The following ITFG1 variants were observed in gnomAD, a reference collection of about 807,000 sequenced individuals.
ITFG1 encodes integrin alpha FG-GAP repeat containing 1.
A neutral mutation model predicts 81.8 loss-of-function variants in ITFG1; 34 were observed. That is an observed-to-expected ratio of 0.42 (90% CI 0.32 to 0.55). The LOEUF (loss-of-function observed/expected upper bound fraction) is 0.55, where lower values mean the gene tolerates loss of function less well. ITFG1 is among the 20% of genes least tolerant of loss of function. The pLI is 0.17. For synonymous variants in ITFG1, 285 were observed against 270.6 expected, an observed-to-expected ratio of 1.05 and a Z score of -0.52; for missense variants, 672 against 755.4, an observed-to-expected ratio of 0.89 and a Z score of 1.29.
chr16:47,461,199 C>T (rs1969540737), upstream of ITFG1: 3 of 978,060 alleles, frequency 3.1e-6, no homozygotes, highest in Non-Finnish European at 4.4e-6. Flanking sequence ...GCTGCCCTTC[C>T]GACGCTAAAA....
At chr16:47,261,907 A>G (rs552524063) in intron 10 of ITFG1, among the ~76,000 whole-genome samples, 6 of 152,258 alleles carry the variant, frequency 3.9e-5, no homozygotes, top group Non-Finnish European at 8.8e-5. Context: ...TCCTGAGCTC[A>G]AGTGATCTTC....
intron 10 of ITFG1, among the ~76,000 whole-genome samples, chr16:47,283,236 T>C (rs1483918497): frequency 6.6e-6 from 1 of 152,202 alleles, no homozygotes; most frequent in African/African-American, 2.4e-5. Flanking sequence ...AAGATTTTAA[T>C]CCACCTTGAG....
chr16:47,339,605 C>T (rs899872497), intron 8 of ITFG1, among the ~76,000 whole-genome samples: 1 of 151,930 alleles, frequency 6.6e-6, no homozygotes, highest in African/African-American at 2.4e-5. Context: ...TGGGGGGCCT[C>T]AACAGCAGAT....
At chr16:47,271,951 A>G (rs1567442264) in intron 10 of ITFG1, among the ~76,000 whole-genome samples, 1 of 152,358 alleles carries the variant, frequency 6.6e-6, no homozygotes, top group East Asian at 1.9e-4. Context: ...ATGTCTACAT[A>G]AAAACTTGCA....
intron 8 of ITFG1, among the ~76,000 whole-genome samples, chr16:47,317,329 A>G (rs1378130780): frequency 6.6e-6 from 1 of 152,214 alleles, no homozygotes. Flanking sequence ...AATGGATTAC[A>G]ATGAATTTTT....
intron 5 of ITFG1, among the ~76,000 whole-genome samples, chr16:47,435,694 T>C (rs1336719291): frequency 6.6e-6 from 1 of 152,208 alleles, no homozygotes; most frequent in African/African-American, 2.4e-5. Flanking sequence ...TAGGAGATGG[T>C]TCTGGCATGA....
intron 14 of ITFG1, among the ~76,000 whole-genome samples, chr16:47,183,439 G>A (rs969000902): frequency 3.3e-5 from 5 of 152,282 alleles, no homozygotes; most frequent in South Asian, 2.1e-4. Context: ...ATCTGAGAAC[G>A]GGCAGACTGC....
At chr16:47,275,253 T>C (rs1966385435) in intron 10 of ITFG1, among the ~76,000 whole-genome samples, 2 of 152,170 alleles carry the variant, frequency 1.3e-5, no homozygotes, top group African/African-American at 4.8e-5. Flanking sequence ...ATATTTTCTT[T>C]GGATTTGAGA....
At chr16:47,428,760 T>G (rs199792269) in intron 6 of ITFG1, 44 bp downstream of exon 6, 1 of 1,167,802 alleles carries the variant, frequency 8.6e-7, no homozygotes, top group South Asian at 1.2e-5. Context: ...AATCCCATAC[T>G]TCTTTGGTAA....
At chr16:47,187,929 A>C (rs1036247505) in intron 14 of ITFG1, among the ~76,000 whole-genome samples, 75 of 152,092 alleles carry the variant, frequency 4.9e-4, no homozygotes, top group African/African-American at 1.7e-3. Context: ...AAAAACAAAC[A>C]ACCACATCAA....
At chr16:47,340,388 A>G (rs891402180) in intron 8 of ITFG1, among the ~76,000 whole-genome samples, 1 of 152,202 alleles carries the variant, frequency 6.6e-6, no homozygotes, top group Non-Finnish European at 1.5e-5. Context: ...TGGGACATCA[A>G]TAACATAAAC....
intron 12 of ITFG1, among the ~76,000 whole-genome samples, chr16:47,255,319 C>T (rs892832030): frequency 1.3e-5 from 2 of 152,194 alleles, no homozygotes; most frequent in Admixed American, 6.5e-5. Context: ...TCATGTGTTA[C>T]TCTTTCTGTG....
At chr16:47,338,253 TA>T (rs977648267) in intron 8 of ITFG1, among the ~76,000 whole-genome samples, 1 of 151,868 alleles carries the variant, frequency 6.6e-6, no homozygotes, top group Non-Finnish European at 1.5e-5. Flanking sequence ...CTAGTAAACA[TA>T]AAAAACATTG....
intron 12 of ITFG1, among the ~76,000 whole-genome samples, chr16:47,244,330 C>T (rs1965971059): frequency 6.6e-6 from 1 of 152,090 alleles, no homozygotes; most frequent in African/African-American, 2.4e-5. Flanking sequence ...TGACCTGGGA[C>T]TTGTGATTGG....
In ITFG1 at chr16:47,337,510, C is replaced by CAG. The variant is rs575608721; in HGVS notation, c.803-23689_803-23688dup. On this transcript the variant is annotated intron_variant, in intron 8 of 17. Transcript: ENST00000320640. The stretch of plus-strand genomic sequence containing the variant: ...ACCTGAAACCGGGAGGTGGAGGTTG[C>CAG]AGTGAGCCAAGGTCGCGTCACTGCA... Among the ~76,000 whole-genome samples the CAG allele has an allele frequency of 1.3e-4, 20 of 152,268 alleles. 1 individual carries two copies. The South Asian group carries it at 4.2e-3, about 32-fold the overall frequency.
intron 14 of ITFG1, among the ~76,000 whole-genome samples, chr16:47,204,959 A>C (rs1465821305): frequency 6.6e-6 from 1 of 152,204 alleles, no homozygotes; most frequent in Non-Finnish European, 1.5e-5. Context: ...AAACTATCAA[A>C]AGACAGGTCC....
In ITFG1 at chr16:47,266,583, G is replaced by C. The variant is rs534194001; in HGVS notation, c.1071-5888C>G. ...TGTTCAAGAAAATGTGGAGTAATTG[G>C]AAGCTCATACACTGTTGGGAGACAT... On this transcript the variant is annotated intron_variant, in intron 10 of 17. Coordinates refer to ENST00000320640, the MANE Select transcript of ITFG1 (RefSeq NM_030790.5). Among the ~76,000 whole-genome samples the C allele has an allele frequency of 2.6e-5, 4 of 152,276 alleles. No individual in the cohort carries two copies. In the South Asian group the frequency reaches 8.3e-4, roughly 32 times the overall value.
rs575260434 is a variant in ITFG1, at chr16:47,326,615, C to T, written c.803-12792G>A. On this transcript the variant is annotated intron_variant, in intron 8 of 17. Coordinates refer to ENST00000320640, the MANE Select transcript of ITFG1 (RefSeq NM_030790.5). Reference sequence around the variant, plus strand: ...AAAATCTCCTTAAGCTGATAAGCAACTTCAGCAAAGTCTCAGGATACAAAA... The same window carrying T: ...AAAATCTCCTTAAGCTGATAAGCAATTTCAGCAAAGTCTCAGGATACAAAA... Among the ~76,000 whole-genome samples the T allele has an allele frequency of 3.3e-5, 5 of 152,310 alleles. No individual in the cohort carries two copies. In the South Asian group the frequency reaches 1.0e-3, roughly 32 times the overall value.
Position 47,205,059 on chromosome 16 carries a change from A to C in ITFG1, c.1453+13809T>G, listed in dbSNP as rs116702270. On this transcript the variant is annotated intron_variant, in intron 14 of 17. Transcript: ENST00000320640. ...AATGCCACATGATGCCTGGCAAATA[A>C]TACTACTATTTACATAGGAAGGTGG... is the stretch of plus-strand genomic sequence containing the variant. 3.1e-3 allele frequency among the ~76,000 whole-genome samples: 477 copies of C among 152,352 alleles called. 2 individuals carry two copies. The highest frequency in any genetic ancestry group is 0.011 in the African/African-American group (449 of 41,576).
Sources: gnomAD v4.1 joint callset for allele counts (sites outside exome capture counted in the v4.1 genomes callset) on GRCh38, gnomAD v4.1.1 for gene constraint, MANE v1.5 for transcripts, NCBI Gene and HGNC (gene_info 2026-07-23, HGNC 2026-07-21) for gene names.